The following FARS2 variants were observed in gnomAD, a reference collection of about 807,000 sequenced individuals.
The protein encoded by FARS2 is phenylalanyl-tRNA synthetase 2, mitochondrial.
A neutral mutation model predicts 46.4 loss-of-function variants in FARS2; 40 were observed. The observed-to-expected ratio is 0.86, with a 90% confidence interval of 0.67 to 1.12. The LOEUF is 1.12. Among genes scored for constraint, FARS2 ranks in the 50% most tolerant of loss-of-function variants. The pLI is 0.00. For missense variants in FARS2, 513 were observed against 567.9 expected (o/e 0.90, Z 0.98); for synonymous variants, 234 against 214.9 (o/e 1.09, Z -0.78).
chr6:5,363,804 A>G (rs1268401402), intron 1 of FARS2, among the ~76,000 whole-genome samples: 1 of 152,166 alleles, frequency 6.6e-6, no homozygotes, highest in Non-Finnish European at 1.5e-5. Flanking sequence ...GATAAGTTCC[A>G]AGTATTCTTC....
chr6:5,254,442 G>A, the FARS2 span, among the ~76,000 whole-genome samples: 2 of 152,140 alleles, frequency 1.3e-5, no homozygotes, highest in East Asian at 3.9e-4. Flanking sequence ...GATTGTAATA[G>A]TTCCTATTTT....
chr6:5,265,681 C>T (rs1233860816), intron 1 of FARS2, among the ~76,000 whole-genome samples: 2 of 152,108 alleles, frequency 1.3e-5, no homozygotes, highest in Non-Finnish European at 1.5e-5. Flanking sequence ...ATCCTGTTTT[C>T]CAGAAGTTTA....
rs540072763 is a variant in FARS2 at position 5,731,650 on chromosome 6, G to A, written c.1218-39641G>A. Among the ~76,000 whole-genome samples the A allele has an allele frequency of 4.4e-4, 67 of 152,302 alleles. 2 individuals are homozygous for A. In the South Asian group the frequency reaches 0.012, roughly 28 times the overall value. ...AGCAGGGCAGAAGCCAGGGCGTATC[G>A]TGTACTTGGAGCTCAAAGTCCCTTT... On this transcript the variant is annotated intron_variant, in intron 6 of 6. Transcript: ENST00000274680.
At chr6:5,568,193 T>G (rs1468454084) in intron 5 of FARS2, among the ~76,000 whole-genome samples, 1 of 152,200 alleles carries the variant, frequency 6.6e-6, no homozygotes, top group African/African-American at 2.4e-5. Flanking sequence ...ACTCTGTCTC[T>G]TGTCACTCTT....
upstream of FARS2, chr6:5,260,639 C>T: frequency 2.0e-6 from 3 of 1,533,916 alleles, no homozygotes; most frequent in Non-Finnish European, 2.6e-6. Flanking sequence ...CCGGTGCCCG[C>T]TGGGTCACCT....
In FARS2 at chr6:5,484,991, G is replaced by A. The variant is rs180711495; in HGVS notation, c.904+53819G>A. The stretch of plus-strand genomic sequence containing the variant: ...TGTTCTGGAGACCTGAAGAGGCCCC[G>A]GAGGAGCCCTCCCTGGGCACTCAGT... On this transcript the variant is annotated intron_variant, in intron 4 of 6. Coordinates refer to ENST00000274680, the MANE Select transcript of FARS2 (RefSeq NM_006567.5). Among the ~76,000 whole-genome samples, 4 of 152,298 alleles carry A rather than the reference G, an allele frequency of 2.6e-5. No individual in the cohort carries two copies. The East Asian group carries it at 5.8e-4, about 22-fold the overall frequency.
At chr6:5,481,840 G>T (rs1016095608) in intron 4 of FARS2, among the ~76,000 whole-genome samples, 2 of 152,168 alleles carry the variant, frequency 1.3e-5, no homozygotes, top group South Asian at 2.1e-4. Context: ...CACTCTCGTG[G>T]TCTGCTCTGT....
At chr6:5,378,366 T>C (rs1759524063) in intron 2 of FARS2, among the ~76,000 whole-genome samples, 1 of 152,178 alleles carries the variant, frequency 6.6e-6, no homozygotes, top group African/African-American at 2.4e-5. Context: ...GAACACCCCT[T>C]TGGCATCCTT....
At chr6:5,757,128 A>T (rs866022177) in intron 6 of FARS2, among the ~76,000 whole-genome samples, 1 of 151,948 alleles carries the variant, frequency 6.6e-6, no homozygotes, top group African/African-American at 2.4e-5. Context: ...AAAGTTGATT[A>T]TGTTTCTCTC....
intron 6 of FARS2, among the ~76,000 whole-genome samples, chr6:5,642,636 T>C (rs1392603887): frequency 1.3e-5 from 2 of 151,306 alleles, no homozygotes; most frequent in Non-Finnish European, 2.9e-5. Context: ...AAAAAAAAAA[T>C]TGAACTTCCT....
intron 4 of FARS2, among the ~76,000 whole-genome samples, chr6:5,433,770 G>C (rs1763366469): frequency 1.3e-5 from 2 of 152,312 alleles, no homozygotes; most frequent in South Asian, 4.2e-4. Context: ...CTGGTGTCAG[G>C]GGGCTGAAGC....
Position 5,519,959 on chromosome 6 carries a change from T to C in FARS2, c.905-25221T>C, listed in dbSNP as rs565041730. Among the ~76,000 whole-genome samples the C allele has an allele frequency of 3.8e-4, 58 of 152,358 alleles. No homozygotes were observed. In the South Asian group the frequency reaches 6.4e-3, roughly 17 times the overall value. ...CAGAAGTTTTAGCAGTGACCTTTGA[T>C]GACTTCCTTAAAATTCGACTTTGCT... On this transcript the variant is annotated intron_variant, in intron 4 of 6. Transcript: ENST00000274680.
Position 5,705,492 on chromosome 6 carries a change from T to C in FARS2, c.1218-65799T>C, listed in dbSNP as rs146487359. 4.7e-4 allele frequency among the ~76,000 whole-genome samples: 71 copies of C among 152,236 alleles called. 1 individual carries two copies. The highest frequency in any genetic ancestry group is 1.7e-3 in the African/African-American group (69 of 41,518). ...GCACTCAGTAACTGCCAGTAACTGGTTTCCTGTGCCTGCCTCCTTACCTCG... is the reference window on the plus strand; with the variant it reads ...GCACTCAGTAACTGCCAGTAACTGGCTTCCTGTGCCTGCCTCCTTACCTCG... On this transcript the variant is annotated intron_variant, in intron 6 of 6. Coordinates refer to ENST00000274680, the MANE Select transcript of FARS2 (RefSeq NM_006567.5).
intron 4 of FARS2, among the ~76,000 whole-genome samples, chr6:5,544,586 G>A (rs950207397): frequency 1.3e-5 from 2 of 152,162 alleles, no homozygotes; most frequent in African/African-American, 4.8e-5. Context: ...TGTACCTTTG[G>A]AGTAGGTGGT....
rs561242920 is a variant in FARS2, at chr6:5,543,395, C to T, written c.905-1785C>T. On this transcript the variant is annotated intron_variant, in intron 4 of 6. Transcript: ENST00000274680. ...GGTGGTGGTTTTTTTTTTTTTTTCT[C>T]ACTCTGTGGACCAAGCTGGAGTGCC... Among the ~76,000 whole-genome samples the T allele has an allele frequency of 7.7e-3, 1,005 of 130,300 alleles. 11 individuals are homozygous for T. Among genetic ancestry groups the T allele is most frequent in the African/African-American group, 0.027 (945 of 35,536 alleles). The allele number at this position is 130,300 out of a possible 152,430, so 85.5% of individuals were successfully genotyped here.
chr6:5,605,204 A>G lies in FARS2; in HGVS notation c.1066-7965A>G, dbSNP rs116664617. Among the ~76,000 whole-genome samples, 1,365 of 152,350 alleles carry G rather than the reference A, an allele frequency of 9.0e-3. 11 individuals are homozygous for G. The highest frequency in any genetic ancestry group is 0.039 in the South Asian group (187 of 4,824). Reference sequence around the variant, plus strand: ...TACAGACCAGAGACAAACGCAAAGCAGAGTGTGAAACCAGACACTGTGGGC... The same window carrying G: ...TACAGACCAGAGACAAACGCAAAGCGGAGTGTGAAACCAGACACTGTGGGC... On this transcript the variant is annotated intron_variant, in intron 5 of 6. Coordinates refer to ENST00000274680, the MANE Select transcript of FARS2 (RefSeq NM_006567.5).
chr6:5,552,169 TTAAC>T (rs1388691882), intron 5 of FARS2, among the ~76,000 whole-genome samples: 1 of 152,212 alleles, frequency 6.6e-6, no homozygotes, highest in African/African-American at 2.4e-5. Context: ...TTAGCCATTT[TTAAC>T]TATTTATGTA....
intron 1 of FARS2, among the ~76,000 whole-genome samples, chr6:5,359,734 G>C (rs1758184136): frequency 6.6e-6 from 1 of 152,226 alleles, no homozygotes; most frequent in South Asian, 2.1e-4. Context: ...TGAGACCAAT[G>C]ATAGATAAGT....
At chr6:5,320,228 C>T (rs1013495210) in intron 1 of FARS2, among the ~76,000 whole-genome samples, 1 of 152,170 alleles carries the variant, frequency 6.6e-6, no homozygotes, top group African/African-American at 2.4e-5. Context: ...GTTCCAGTGG[C>T]ATGGATGCTC....
Sources: allele counts gnomAD v4.1 joint callset (sites outside exome capture counted in the v4.1 genomes callset), GRCh38; gene constraint gnomAD v4.1.1; transcripts MANE v1.5; gene names NCBI Gene and HGNC (gene_info 2026-07-23, HGNC 2026-07-21).